KLHL1: variants seen among roughly 807,000 people sequenced by gnomAD.
KLHL1 encodes kelch like family member 1.
In KLHL1, 47 loss-of-function variants were observed where a neutral mutation model predicts 77.7. The ratio of observed to expected loss-of-function variants is 0.60; its 90% CI spans 0.48 to 0.77. The LOEUF is 0.77. Among genes scored for constraint, KLHL1 ranks in the 30% least tolerant of loss-of-function variants. The pLI, the probability that KLHL1 is intolerant of heterozygous loss-of-function variation, is 0.00. For missense variants in KLHL1, 925 were observed against 910.8 expected (o/e 1.02, Z -0.20); for synonymous variants, 360 against 325.2 (o/e 1.11, Z -1.15).
In KLHL1 at chr13:70,107,551, C is replaced by T. The variant is rs1335828954; in HGVS notation, c.149G>A (p.Gly50Glu). 1 of 1,608,674 alleles carries T rather than the reference C, an allele frequency of 6.2e-7. No individual in the cohort carries two copies. Among genetic ancestry groups the T allele is most frequent in the African/African-American group, 1.3e-5 (1 of 75,012 alleles). Residue 50 changes from glycine to glutamate, a missense_variant, in exon 1 of 11, where the codon GGA becomes GAA. By Grantham distance (98) the Gly-to-Glu change is moderately conservative. Transcript: ENST00000377844. The stretch of plus-strand genomic sequence containing the variant: ...TTTGAGCAGGCGACTCTGGCTGGGT[C>T]CCCAGTGCTCAAAGCTGCCACTGCC... Reference protein sequence around the residue: ...QDGSGSFEHWGPSQSRLLKSQ... With the variant: ...QDGSGSFEHWEPSQSRLLKSQ...
At chr13:69,951,616 C>T (rs1481017336) in intron 3 of KLHL1, among the ~76,000 whole-genome samples, 2 of 151,480 alleles carry the variant, frequency 1.3e-5, no homozygotes, top group Non-Finnish European at 3.0e-5. Context: ...GGCCACCATA[C>T]CCACTTCCTC....
intron 5 of KLHL1, among the ~76,000 whole-genome samples, chr13:69,851,103 T>TATA (rs1879669755): frequency 4.5e-4 from 1 of 2,232 alleles, no homozygotes; most frequent in South Asian, 0.12. Context: ...AACATACATA[T>TATA]ATACTTTTAT....
intron 4 of KLHL1, among the ~76,000 whole-genome samples, chr13:69,898,221 T>A (rs1274787328): frequency 4.6e-5 from 7 of 152,232 alleles, no homozygotes; most frequent in Admixed American, 4.6e-4. Context: ...CTGACACAAA[T>A]GCTATTCCTT....
chr13:69,841,552 T>G (rs1478125472), intron 5 of KLHL1, among the ~76,000 whole-genome samples: 1 of 151,458 alleles, frequency 6.6e-6, no homozygotes, highest in Non-Finnish European at 1.5e-5. Context: ...TGAAAGAAAT[T>G]GAAGATAACA....
intron 1 of KLHL1, among the ~76,000 whole-genome samples, chr13:70,082,087 C>T (rs1056780472): frequency 6.6e-6 from 1 of 151,984 alleles, no homozygotes; most frequent in Non-Finnish European, 1.5e-5. Flanking sequence ...CCTCCTGCTC[C>T]AGTCATGGAG....
intron 3 of KLHL1, among the ~76,000 whole-genome samples, chr13:69,947,024 TGTGTTGTG>T (rs1883548654): frequency 1.7e-5 from 2 of 118,332 alleles, no homozygotes; most frequent in South Asian, 6.1e-4. Flanking sequence ...ATTGTGTGTG[TGTGTTGTG>T]TGTGTGTGTG....
At chr13:69,855,759 T>C (rs1379640673) in intron 5 of KLHL1, among the ~76,000 whole-genome samples, 1 of 150,826 alleles carries the variant, frequency 6.6e-6, no homozygotes, top group Non-Finnish European at 1.5e-5. Flanking sequence ...CTCTTTCCTT[T>C]ATAAATTACC....
intron 4 of KLHL1, among the ~76,000 whole-genome samples, chr13:69,902,370 G>A (rs1001313621): frequency 7.9e-5 from 12 of 152,102 alleles, no homozygotes; most frequent in African/African-American, 2.9e-4. Context: ...AATATAGAAA[G>A]CTCATGGACA....
intron 1 of KLHL1, among the ~76,000 whole-genome samples, chr13:70,017,852 G>A (rs986036343): frequency 6.6e-6 from 1 of 152,160 alleles, no homozygotes; most frequent in African/African-American, 2.4e-5. Flanking sequence ...GATAGGGCAA[G>A]AGATAATTCC....
chr13:69,860,312 G>A (rs777548574), intron 5 of KLHL1, among the ~76,000 whole-genome samples: 2 of 151,946 alleles, frequency 1.3e-5, no homozygotes, highest in Non-Finnish European at 1.5e-5. Context: ...GTATGAGCAT[G>A]ACAAGTATTC....
chr13:69,913,050 G>T (rs553150756), intron 4 of KLHL1, among the ~76,000 whole-genome samples: 7 of 152,110 alleles, frequency 4.6e-5, no homozygotes, highest in African/African-American at 1.4e-4. Context: ...TCCCTCATGG[G>T]GATAATGCAC....
intron 7 of KLHL1, among the ~76,000 whole-genome samples, chr13:69,745,851 AT>A (rs1477932281): frequency 6.6e-6 from 1 of 151,672 alleles, no homozygotes; most frequent in Non-Finnish European, 1.5e-5. Flanking sequence ...AATTTTCTGA[AT>A]TTTCCCCCAA....
intron 1 of KLHL1, among the ~76,000 whole-genome samples, chr13:70,005,167 A>T (rs1211645525): frequency 3.3e-5 from 5 of 151,958 alleles, no homozygotes; most frequent in Non-Finnish European, 5.9e-5. Context: ...TGTGGTTACC[A>T]AAGAGAGAAA....
chr13:70,018,003 T>G (rs1429531353), intron 1 of KLHL1, among the ~76,000 whole-genome samples: 3 of 152,126 alleles, frequency 2.0e-5, no homozygotes, highest in Non-Finnish European at 4.4e-5. Context: ...AATAACAATT[T>G]AATTGAATTC....
At chr13:69,841,788 T>A (rs1879271117) in intron 5 of KLHL1, among the ~76,000 whole-genome samples, 1 of 151,270 alleles carries the variant, frequency 6.6e-6, no homozygotes, top group Non-Finnish European at 1.5e-5. Flanking sequence ...AAACTGGAGG[T>A]ATCACATTAC....
intron 1 of KLHL1, among the ~76,000 whole-genome samples, chr13:70,068,129 C>T (rs1192007178): frequency 2.6e-5 from 4 of 151,368 alleles, no homozygotes; most frequent in South Asian, 2.1e-4. Context: ...ATCACGAGGT[C>T]AGGAGATCGA....
At chr13:69,740,369 A>C (rs761086140) in intron 8 of KLHL1, 25 bp downstream of exon 8, 2 of 1,501,504 alleles carry the variant, frequency 1.3e-6, no homozygotes, top group African/African-American at 1.4e-5. Flanking sequence ...TCTAAGATTA[A>C]AAAATAAGAA....
At chr13:69,739,011 G>A (rs1216852379) in intron 8 of KLHL1, among the ~76,000 whole-genome samples, 2 of 152,128 alleles carry the variant, frequency 1.3e-5, no homozygotes, top group Non-Finnish European at 2.9e-5. Flanking sequence ...AGAAAGGCCA[G>A]GTCACCTGTA....
At chr13:69,884,679 G>C (rs1881128749) in intron 4 of KLHL1, among the ~76,000 whole-genome samples, 1 of 152,086 alleles carries the variant, frequency 6.6e-6, no homozygotes, top group Admixed American at 6.5e-5. Flanking sequence ...CCTCTTTATG[G>C]TGACCCTTGG....
Sources: allele counts gnomAD v4.1 joint callset (sites outside exome capture counted in the v4.1 genomes callset), GRCh38; gene constraint gnomAD v4.1.1; transcripts MANE v1.5; gene names NCBI Gene and HGNC (gene_info 2026-07-23, HGNC 2026-07-21).